Variants in LAMC2 observed in about 807,000 individuals in gnomAD.
The protein encoded by LAMC2 is laminin subunit gamma-2.
A neutral mutation model predicts 140.2 loss-of-function variants in LAMC2; 97 were observed. The observed-to-expected ratio is 0.69, with a 90% CI of 0.59 to 0.82. LAMC2 has a LOEUF of 0.82. Ranked by LOEUF, LAMC2 falls within the 40% of genes least tolerant of loss-of-function variation. LAMC2 has a pLI of 0.00. For synonymous variants in LAMC2, 513 were observed against 540.2 expected, an observed-to-expected ratio of 0.95 and a Z score of 0.70; for missense variants, 1,402 against 1,476.1, an observed-to-expected ratio of 0.95 and a Z score of 0.82.
chr1:183,247,102 G>A (rs564700617), downstream of LAMC2, among the ~76,000 whole-genome samples: 4 of 152,150 alleles, frequency 2.6e-5, no homozygotes, highest in Admixed American at 1.3e-4. Context: ...CCTGAGGTCT[G>A]GAGTTTGAGA....
intron 3 of LAMC2, 53 bp from the exon 4 acceptor site, chr1:183,218,337 A>G: frequency 1.5e-6 from 2 of 1,367,002 alleles, no homozygotes; most frequent in Non-Finnish European, 2.1e-6. Flanking sequence ...TTATGTGCAT[A>G]GTTGTGAAGC....
chr1:183,197,801 C>T (rs531658599), intron 1 of LAMC2, among the ~76,000 whole-genome samples: 12 of 152,142 alleles, frequency 7.9e-5, no homozygotes, highest in Middle Eastern at 6.8e-3. Flanking sequence ...TCAACAATTA[C>T]GGTGGTTATT....
At chr1:183,233,793 A>AT (rs1042694250) in intron 14 of LAMC2, among the ~76,000 whole-genome samples, 1 of 149,220 alleles carries the variant, frequency 6.7e-6, no homozygotes, top group East Asian at 2.0e-4. Flanking sequence ...GTTGTTTTGG[A>AT]TTTTTTTATG....
the LAMC2 span, chr1:183,252,421 C>T: frequency 2.4e-6 from 1 of 411,152 alleles, no homozygotes; most frequent in South Asian, 2.1e-5. Flanking sequence ...CCCATTCCCT[C>T]ACCCACCCCC....
chr1:183,206,013 T>C (rs1658874089), intron 1 of LAMC2, among the ~76,000 whole-genome samples: 1 of 152,148 alleles, frequency 6.6e-6, no homozygotes, highest in African/African-American at 2.4e-5. Flanking sequence ...CTACATGCAA[T>C]GGTAAACTCA....
chr1:183,189,995 G>A (rs757575939), intron 1 of LAMC2, among the ~76,000 whole-genome samples: 54 of 152,130 alleles, frequency 3.5e-4, no homozygotes, highest in Non-Finnish European at 6.3e-4. Context: ...ATGCTCCCTC[G>A]TAGATTCTGT....
At chr1:183,258,936 G>A in the LAMC2 span, among the ~76,000 whole-genome samples, 1 of 152,152 alleles carries the variant, frequency 6.6e-6, no homozygotes, top group Non-Finnish European at 1.5e-5. Flanking sequence ...CAGGGAGACT[G>A]ATTTGATAAC....
intron 1 of LAMC2, among the ~76,000 whole-genome samples, chr1:183,189,708 G>C (rs1285920869): frequency 6.6e-6 from 1 of 152,186 alleles, no homozygotes; most frequent in Non-Finnish European, 1.5e-5. Flanking sequence ...ACTGAGGATA[G>C]AGGAAAATCA....
chr1:183,236,157 A>G (rs996373654), intron 16 of LAMC2, among the ~76,000 whole-genome samples: 1 of 152,074 alleles, frequency 6.6e-6, no homozygotes, highest in Non-Finnish European at 1.5e-5. Context: ...CTGATAAATA[A>G]TTTTGTTTGG....
At chr1:183,211,308 T>G (rs1193964122) in intron 2 of LAMC2, among the ~76,000 whole-genome samples, 3 of 146,620 alleles carry the variant, frequency 2.0e-5, no homozygotes, top group African/African-American at 7.5e-5. Flanking sequence ...GCTAAGTTTT[T>G]GAGGTCTATG....
chr1:183,252,165 A>G, the LAMC2 span: 4 of 156,670 alleles, frequency 2.6e-5, no homozygotes, highest in South Asian at 5.8e-4. Context: ...AACAAAAGAA[A>G]GAAAAGAAAA....
chr1:183,243,509 G>A lies in LAMC2; in HGVS notation c.*109G>A. ...GGGGACATTTGAACATGTTTAATGGGTATGCTCAGGTCAACTGACCTGACC... is the reference window on the plus strand; with the variant it reads ...GGGGACATTTGAACATGTTTAATGGATATGCTCAGGTCAACTGACCTGACC... On this transcript the variant is annotated 3_prime_UTR_variant, in exon 23 of 23. Transcript: ENST00000264144. 1 of 1,380,036 alleles carries A rather than the reference G, an allele frequency of 7.2e-7. No individual in the cohort carries two copies. Among genetic ancestry groups the A allele is most frequent in the Non-Finnish European group, 1.0e-6 (1 of 974,190 alleles). The allele number at this position is 1,380,036 out of a possible 1,614,324, so 85.5% of individuals were successfully genotyped here.
the LAMC2 span, chr1:183,252,468 C>G: frequency 2.1e-6 from 1 of 473,702 alleles, no homozygotes; most frequent in South Asian, 1.9e-5. Context: ...CCAAAGATGA[C>G]TGTGGAATAG....
At chr1:183,214,977 G>A (rs901225141) in intron 2 of LAMC2, among the ~76,000 whole-genome samples, 1 of 152,138 alleles carries the variant, frequency 6.6e-6, no homozygotes, top group African/African-American at 2.4e-5. Flanking sequence ...CCTGGCAGGT[G>A]GATAGTTTTG....
intron 22 of LAMC2, chr1:183,240,626 G>A (rs1660109061): frequency 7.1e-7 from 1 of 1,415,722 alleles, no homozygotes; most frequent in Non-Finnish European, 9.2e-7. Flanking sequence ...GGGGGTAAAG[G>A]TCTGTGGGCC....
Position 183,243,523 on chromosome 1 carries a change from ACTGACC to A in LAMC2, c.*124_*129del. ...ATGTTTAATGGGTATGCTCAGGTCAACTGACCTGACCCCATTCCTGATCCCATGGCC... is the reference window on the plus strand; with the variant it reads ...ATGTTTAATGGGTATGCTCAGGTCAATGACCCCATTCCTGATCCCATGGCC... On this transcript the variant is annotated 3_prime_UTR_variant, in exon 23 of 23. Coordinates refer to ENST00000264144, the MANE Select transcript of LAMC2 (RefSeq NM_005562.3). The A allele has an allele frequency of 8.3e-7, 1 of 1,209,054 alleles. No individual in the cohort carries two copies. Among genetic ancestry groups the A allele is most frequent in the Non-Finnish European group, 1.2e-6 (1 of 823,640 alleles). The allele number at this position is 1,209,054 out of a possible 1,614,324, so 74.9% of individuals were successfully genotyped here.
At chr1:183,201,898 C>T (rs1658717413) in intron 1 of LAMC2, among the ~76,000 whole-genome samples, 1 of 152,180 alleles carries the variant, frequency 6.6e-6, no homozygotes, top group African/African-American at 2.4e-5. Flanking sequence ...AAATAAGCAT[C>T]AGTTTCATTA....
At chr1:183,196,962 G>A (rs112486841) in intron 1 of LAMC2, among the ~76,000 whole-genome samples, 1,684 of 152,268 alleles carry the variant, frequency 0.011, 16 homozygotes, top group African/African-American at 0.022. Context: ...AAGTAGATAG[G>A]GTAAGACCAT....
the LAMC2 span, among the ~76,000 whole-genome samples, chr1:183,254,699 C>T: frequency 1.3e-5 from 2 of 152,296 alleles, no homozygotes; most frequent in Non-Finnish European, 2.9e-5. Flanking sequence ...AGCCTCCCAG[C>T]GTGCTGGGAT....
Sources: gnomAD v4.1 joint callset for allele counts (sites outside exome capture counted in the v4.1 genomes callset) on GRCh38, gnomAD v4.1.1 for gene constraint, MANE v1.5 for transcripts, NCBI Gene and HGNC (gene_info 2026-07-23, HGNC 2026-07-21) for gene names.